MACROD2: variants seen among roughly 807,000 people sequenced by gnomAD.
The protein encoded by MACROD2 is ADP-ribose glycohydrolase MACROD2.
MACROD2 carries 36 observed loss-of-function variants against 70.4 expected under a neutral mutation model. The ratio of observed to expected loss-of-function variants is 0.51; its 90% CI spans 0.39 to 0.68. MACROD2 has a LOEUF of 0.68. Ranked by LOEUF, MACROD2 falls within the 30% of genes least tolerant of loss-of-function variation. MACROD2 has a pLI of 0.00. For synonymous variants in MACROD2, 172 were observed against 178.8 expected, an observed-to-expected ratio of 0.96 and a Z score of 0.30; for missense variants, 496 against 538.4, an observed-to-expected ratio of 0.92 and a Z score of 0.78.
At chr20:14,403,937 A>G (rs930838027) in intron 3 of MACROD2, among the ~76,000 whole-genome samples, 2 of 152,160 alleles carry the variant, frequency 1.3e-5, no homozygotes, top group Admixed American at 6.5e-5. Flanking sequence ...ATAAAAATTT[A>G]TATGTTTAAT....
chr20:14,972,126 A>G (rs1390958701), intron 5 of MACROD2, among the ~76,000 whole-genome samples: 1 of 152,256 alleles, frequency 6.6e-6, no homozygotes, highest in Non-Finnish European at 1.5e-5. Flanking sequence ...CCTGCTGTAA[A>G]CATGCCAAGG....
At chr20:15,096,986 A>G (rs2075838581) in intron 5 of MACROD2, among the ~76,000 whole-genome samples, 1 of 151,122 alleles carries the variant, frequency 6.6e-6, no homozygotes, top group South Asian at 2.1e-4. Flanking sequence ...TAATTTTTGC[A>G]TTTTTAGTAA....
intron 5 of MACROD2, among the ~76,000 whole-genome samples, chr20:14,787,259 T>G (rs1483550866): frequency 6.6e-6 from 1 of 152,126 alleles, no homozygotes; most frequent in Non-Finnish European, 1.5e-5. Flanking sequence ...ATATTTTAAA[T>G]GATCGTTTTT....
At chr20:14,779,418 C>T (rs904060710) in intron 5 of MACROD2, among the ~76,000 whole-genome samples, 68 of 152,064 alleles carry the variant, frequency 4.5e-4, no homozygotes, top group African/African-American at 1.5e-3. Context: ...GCATTTCCTC[C>T]GCTTGCTACT....
At chr20:14,025,892 A>G (rs968321699) in intron 2 of MACROD2, among the ~76,000 whole-genome samples, 16 of 152,122 alleles carry the variant, frequency 1.1e-4, no homozygotes, top group African/African-American at 3.4e-4. Context: ...CAAGCCCTGA[A>G]TATCCTTGTT....
At chr20:15,498,302 T>C (rs1215313091) in intron 7 of MACROD2, among the ~76,000 whole-genome samples, 5 of 152,196 alleles carry the variant, frequency 3.3e-5, no homozygotes, top group Non-Finnish European at 7.3e-5. Flanking sequence ...CGTACTGAGA[T>C]CTGAACCATC....
rs753673265 is a variant in MACROD2, at chr20:14,720,536, C to CTTTTTTTTTTTTTTTTTTTTT, written c.418+35591_418+35611dup. ...GTTTCATTTCCCAGCTGCCCCACAA[C>CTTTTTTTTTTTTTTTTTTTTT]TTTTTTTTTTTTTTTTTTTTTTTTT... On this transcript the variant is annotated intron_variant, in intron 5 of 17. Coordinates refer to ENST00000684519, the MANE Select transcript of MACROD2 (RefSeq NM_001351661.2). Among the ~76,000 whole-genome samples, 13 of 35,946 alleles carry CTTTTTTTTTTTTTTTTTTTTT rather than the reference C, an allele frequency of 3.6e-4. 1 individual carries two copies. Among genetic ancestry groups the CTTTTTTTTTTTTTTTTTTTTT allele is most frequent in the Non-Finnish European group, 3.9e-4 (8 of 20,778 alleles). The allele number at this position is 35,946 out of a possible 152,430, so 23.6% of individuals were successfully genotyped here. A position where few individuals can be genotyped will look rare whatever the true frequency, so the allele number is the denominator to read the frequency against.
chr20:15,991,178 C>G (rs6034344), intron 15 of MACROD2, among the ~76,000 whole-genome samples: 20,894 of 152,200 alleles, frequency 0.14, 1,932 homozygotes, highest in African/African-American at 0.26. Flanking sequence ...CACAGAAACT[C>G]TGCTCAGAAC....
At chr20:15,096,275 T>C (rs145641657) in intron 5 of MACROD2, among the ~76,000 whole-genome samples, 3 of 151,986 alleles carry the variant, frequency 2.0e-5, no homozygotes. Context: ...TGCAGGGTAC[T>C]CTAGGATTCT....
chr20:14,180,050 C>T (rs372692309), intron 3 of MACROD2, among the ~76,000 whole-genome samples: 1 of 152,128 alleles, frequency 6.6e-6, no homozygotes, highest in African/African-American at 2.4e-5. Flanking sequence ...CAAACCAAAA[C>T]GCTGTACCCA....
intron 5 of MACROD2, among the ~76,000 whole-genome samples, chr20:14,807,884 G>T (rs896845719): frequency 1.3e-5 from 2 of 151,996 alleles, no homozygotes; most frequent in African/African-American, 4.8e-5. Flanking sequence ...GTGAAGACAA[G>T]ATTAGAGAAA....
At chr20:15,968,565 C>A (rs1418914137) in intron 13 of MACROD2, among the ~76,000 whole-genome samples, 2 of 151,586 alleles carry the variant, frequency 1.3e-5, no homozygotes, top group Non-Finnish European at 2.9e-5. Flanking sequence ...AATAATTGTT[C>A]TATCAAATAA....
chr20:14,236,849 C>G (rs6110209), intron 3 of MACROD2, among the ~76,000 whole-genome samples: 30,526 of 152,006 alleles, frequency 0.2, 3,354 homozygotes, highest in South Asian at 0.32. Flanking sequence ...TATTTCCAAT[C>G]AAAATGTCAG....
At chr20:15,404,257 C>T (rs1473512256) in intron 6 of MACROD2, among the ~76,000 whole-genome samples, 1 of 152,094 alleles carries the variant, frequency 6.6e-6, no homozygotes, top group Non-Finnish European at 1.5e-5. Flanking sequence ...ATGTAAAATG[C>T]ATTTAACTTA....
chr20:14,507,049 G>A (rs575789192), intron 4 of MACROD2, among the ~76,000 whole-genome samples: 1 of 152,288 alleles, frequency 6.6e-6, no homozygotes, highest in South Asian at 2.1e-4. Context: ...ACAGGAATCT[G>A]TGACTAGTAT....
At chr20:14,781,879 T>C in intron 5 of MACROD2, among the ~76,000 whole-genome samples, 1 of 151,860 alleles carries the variant, frequency 6.6e-6, no homozygotes, top group African/African-American at 2.4e-5. Flanking sequence ...AAAAATTCCC[T>C]AAGTCAGAGC....
At chr20:15,540,242 C>T (rs59926992) in intron 8 of MACROD2, among the ~76,000 whole-genome samples, 2,594 of 152,224 alleles carry the variant, frequency 0.017, 72 homozygotes, top group African/African-American at 0.059. Context: ...AGGAGCAAAC[C>T]GTGACTAGCC....
At chr20:14,467,984 A>T (rs2084477643) in intron 3 of MACROD2, among the ~76,000 whole-genome samples, 1 of 152,004 alleles carries the variant, frequency 6.6e-6, no homozygotes. Flanking sequence ...ACTGTTTGTT[A>T]TCATTTCTGT....
intron 4 of MACROD2, among the ~76,000 whole-genome samples, chr20:14,626,635 T>A (rs1267227861): frequency 2.6e-5 from 4 of 152,190 alleles, no homozygotes; most frequent in African/African-American, 9.6e-5. Flanking sequence ...AGCTGCTCCC[T>A]GCTTACTTCA....
Sources: allele counts gnomAD v4.1 joint callset (sites outside exome capture counted in the v4.1 genomes callset), GRCh38; gene constraint gnomAD v4.1.1; transcripts MANE v1.5; gene names NCBI Gene and HGNC (gene_info 2026-07-23, HGNC 2026-07-21).